HMCN2: variants seen among roughly 807,000 people sequenced by gnomAD.
HMCN2 encodes the protein hemicentin-2.
In HMCN2, 325 loss-of-function variants were observed where a neutral mutation model predicts 377.5. The ratio of observed to expected loss-of-function variants is 0.86; its 90% confidence interval spans 0.79 to 0.94. The LOEUF is 0.94. Among genes scored for constraint, HMCN2 ranks in the 40% least tolerant of loss-of-function variants. HMCN2 has a pLI of 0.00. For synonymous variants in HMCN2, 2,007 were observed against 2,046.8 expected, an observed-to-expected ratio of 0.98 and a Z score of 0.53; for missense variants, 4,543 against 4,725.3, an observed-to-expected ratio of 0.96 and a Z score of 1.13.
chr9:130,407,752 A>G, intron 83 of HMCN2, 47 bp downstream of exon 83: 2 of 1,160,186 alleles, frequency 1.7e-6, no homozygotes, highest in South Asian at 1.6e-5. Context: ...CCTCCAGTCT[A>G]TTGGGACCCA....
chr9:130,365,437 G>A (rs1840641848), intron 41 of HMCN2, among the ~76,000 whole-genome samples, 194 bp from the exon 42 acceptor site: 1 of 152,244 alleles, frequency 6.6e-6, no homozygotes, highest in Non-Finnish European at 1.5e-5. Flanking sequence ...GCCCTTCTCA[G>A]GCCCACCACA....
In HMCN2 at chr9:130,351,705, G is replaced by T; in HGVS notation, c.4585+128G>T. The T allele has an allele frequency of 9.2e-6, 6 of 653,736 alleles. No homozygotes were observed. The highest frequency in any genetic ancestry group is 1.3e-5 in the Non-Finnish European group (6 of 457,594). The allele number at this position is 653,736 out of a possible 1,614,324, so 40.5% of individuals were successfully genotyped here. Reference sequence around the variant, plus strand: ...CCTGGTGAGTGATCCCTGAGTCCAAGAAAGCTGGGGGCTGGGGTCGGGGTT... The same window carrying T: ...CCTGGTGAGTGATCCCTGAGTCCAATAAAGCTGGGGGCTGGGGTCGGGGTT... On this transcript the variant is annotated intron_variant, in intron 30 of 97. Coordinates refer to ENST00000683500, the MANE Select transcript of HMCN2 (RefSeq NM_001291815.2). The surrounding 1 kb of genome is among the most constrained non-coding windows in gnomAD (Gnocchi z 5.4).
chr9:130,316,863 G>C (rs1324657953), intron 15 of HMCN2, among the ~76,000 whole-genome samples: 2 of 152,156 alleles, frequency 1.3e-5, no homozygotes, highest in Non-Finnish European at 2.9e-5. Context: ...CCTCTCCCCT[G>C]ACCTCAGCAG....
chr9:130,358,022 C>T (rs972673263), intron 35 of HMCN2, 34 bp downstream of exon 35: 1 of 1,291,670 alleles, frequency 7.7e-7, no homozygotes, highest in Non-Finnish European at 1.0e-6. Flanking sequence ...GGCAAGCCAG[C>T]TGGGCACAGG....
intron 15 of HMCN2, among the ~76,000 whole-genome samples, chr9:130,311,980 C>G (rs1837269014): frequency 6.6e-6 from 1 of 152,182 alleles, no homozygotes; most frequent in Non-Finnish European, 1.5e-5. Flanking sequence ...CGAGCCGGCG[C>G]TTCTAGGGTG....
rs1840307056 is a variant in HMCN2, at chr9:130,360,354, C to T, written c.5774-74C>T. On this transcript the variant is annotated intron_variant, in intron 37 of 97. Transcript: ENST00000683500. This position sits in a 1 kb window ranked among gnomAD's most constrained non-coding sequence, Gnocchi z 4.7. Reference sequence around the variant, plus strand: ...TCCCCCTTGCATCTCTCTTCCTTTCCCCCTTACTTCTCTCTTCCATTCCCC... The same window carrying T: ...TCCCCCTTGCATCTCTCTTCCTTTCTCCCTTACTTCTCTCTTCCATTCCCC... 1 of 843,690 alleles carries T rather than the reference C, an allele frequency of 1.2e-6. No individual in the cohort carries two copies. Among genetic ancestry groups the T allele is most frequent in the Non-Finnish European group, 1.5e-6 (1 of 651,318 alleles). The allele number at this position is 843,690 out of a possible 1,614,324, so 52.3% of individuals were successfully genotyped here.
At chr9:130,295,132 G>T in intron 5 of HMCN2, 106 bp downstream of exon 5, 1 of 304,442 alleles carries the variant, frequency 3.3e-6, no homozygotes, top group South Asian at 2.7e-5. Context: ...TCAGACATGA[G>T]GCTCCAGGAA....
Position 130,430,426 on chromosome 9 carries a change from A to G in HMCN2, c.14469A>G (p.Gln4823=). 2.6e-6 allele frequency: 4 copies of G among 1,550,412 alleles called. No individual in the cohort carries two copies. The highest frequency in any genetic ancestry group is 3.5e-6 in the Non-Finnish European group (4 of 1,146,924). Reference sequence around the variant, plus strand: ...GCACCTCACTGGAGCGGAATGGACAAAATGTGACCACCGTCAGCCACCGAG... The same window carrying G: ...GCACCTCACTGGAGCGGAATGGACAGAATGTGACCACCGTCAGCCACCGAG... ...KACTSLERNG[Q]NVTTVSHRGP... is the part of the protein sequence containing the mutation. The change falls in exon 95 of 98, where the codon CAA becomes CAG. Residue 4823 remains glutamine (Q), a synonymous_variant. Coordinates refer to ENST00000683500, the MANE Select transcript of HMCN2 (RefSeq NM_001291815.2).
chr9:130,326,597 T>C (rs931203573), intron 21 of HMCN2, among the ~76,000 whole-genome samples: 1 of 151,124 alleles, frequency 6.6e-6, no homozygotes, highest in Admixed American at 6.6e-5. Flanking sequence ...AAAAAAAAAA[T>C]TCCTAATGGG....
rs1362380802 is a variant in HMCN2, at chr9:130,369,135, C to T, written c.6788-435C>T. Among the ~76,000 whole-genome samples the T allele has an allele frequency of 6.6e-6, 1 of 152,156 alleles. No homozygotes were observed. The highest frequency in any genetic ancestry group is 1.5e-5 in the Non-Finnish European group (1 of 68,034). On this transcript the variant is annotated intron_variant, in intron 44 of 97. Transcript: ENST00000683500. The surrounding 1 kb of genome is among the most constrained non-coding windows in gnomAD (Gnocchi z 4.5). ...CCTATATATGATGGAAACCTAAAGC[C>T]CTATCTACTGGTCCTGCAGTGATGA... is the stretch of plus-strand genomic sequence containing the variant.
intron 76 of HMCN2, 84 bp downstream of exon 76, chr9:130,399,716 A>AG: frequency 3.8e-6 from 4 of 1,055,502 alleles, no homozygotes; most frequent in Non-Finnish European, 5.0e-6. Context: ...GCCAGCAGGG[A>AG]ATTGTGTGGC....
intron 60 of HMCN2, 58 bp from the exon 61 acceptor site, chr9:130,386,385 C>A: frequency 1.7e-6 from 2 of 1,151,638 alleles, no homozygotes; most frequent in Non-Finnish European, 2.3e-6. Context: ...TTTTGGGGAG[C>A]CCTAGCACCC....
chr9:130,414,517 A>C lies in HMCN2; in HGVS notation c.12961+3865A>C, dbSNP rs1843586905. Among the ~76,000 whole-genome samples the C allele has an allele frequency of 1.3e-5, 2 of 152,198 alleles. No individual in the cohort carries two copies. Among genetic ancestry groups the C allele is most frequent in the Non-Finnish European group, 1.5e-5 (1 of 68,030 alleles). On this transcript the variant is annotated intron_variant, in intron 85 of 97. Transcript: ENST00000683500. This position sits in a 1 kb window ranked among gnomAD's most constrained non-coding sequence, Gnocchi z 4.4. ...CACTTACACACCAGGAACAAGGAAAAGCTCAACTTACACACCAGGAACAAG... is the reference window on the plus strand; with the variant it reads ...CACTTACACACCAGGAACAAGGAAACGCTCAACTTACACACCAGGAACAAG...
intron 85 of HMCN2, among the ~76,000 whole-genome samples, chr9:130,412,791 G>A (rs1843499570): frequency 6.6e-6 from 1 of 152,062 alleles, no homozygotes; most frequent in African/African-American, 2.4e-5. Context: ...TGCCCAGGCT[G>A]GTCTCGAACT....
intron 22 of HMCN2, among the ~76,000 whole-genome samples, chr9:130,331,118 A>G (rs1357255166): frequency 2.0e-5 from 3 of 151,384 alleles, no homozygotes; most frequent in South Asian, 2.1e-4. Context: ...AGATCGTGCC[A>G]TCGCACTCCA....
intron 5 of HMCN2, among the ~76,000 whole-genome samples, 197 bp downstream of exon 5, chr9:130,295,223 C>G (rs1836056021): frequency 6.6e-6 from 1 of 152,094 alleles, no homozygotes; most frequent in Non-Finnish European, 1.5e-5. Context: ...GCCATAGCAA[C>G]CGGCGATGGG....
intron 4 of HMCN2, among the ~76,000 whole-genome samples, chr9:130,287,330 C>T (rs1835468828): frequency 6.6e-6 from 1 of 152,120 alleles, no homozygotes. Flanking sequence ...CTCCTCCCCG[C>T]CCGGGGCCTT....
chr9:130,369,419 T>G lies in HMCN2; in HGVS notation c.6788-151T>G, dbSNP rs895109450. 2.0e-5 allele frequency among the ~76,000 whole-genome samples: 3 copies of G among 152,134 alleles called. No individual in the cohort carries two copies. The highest frequency in any genetic ancestry group is 4.4e-5 in the Non-Finnish European group (3 of 68,016). ...CAGTAGGGTGCTGTTATGACCCCAT[T>G]GTTGGGAAGGAAAATGGAGGTGAGG... On this transcript the variant is annotated intron_variant, in intron 44 of 97. Transcript: ENST00000683500. This position sits in a 1 kb window ranked among gnomAD's most constrained non-coding sequence, Gnocchi z 4.5.
intron 52 of HMCN2, among the ~76,000 whole-genome samples, chr9:130,377,127 T>G (rs997073818): frequency 6.6e-6 from 1 of 150,790 alleles, no homozygotes; most frequent in Non-Finnish European, 1.5e-5. Context: ...TTTATTTTTA[T>G]TTTTGAGACA....
Sources: allele counts gnomAD v4.1 joint callset (sites outside exome capture counted in the v4.1 genomes callset), GRCh38; gene constraint gnomAD v4.1.1; non-coding constraint Gnocchi (gnomAD v3.1); transcripts MANE v1.5; gene names NCBI Gene and HGNC (gene_info 2026-07-23, HGNC 2026-07-21).